The following ANKRD12 variants were observed in gnomAD, a reference collection of about 807,000 sequenced individuals.
ANKRD12 encodes the protein ankyrin repeat domain 12.
ANKRD12 carries 85 observed loss-of-function variants against 183.4 expected under a neutral mutation model. The observed-to-expected ratio is 0.46, with a 90% CI of 0.39 to 0.56. The LOEUF (loss-of-function observed/expected upper bound fraction) is 0.56, where lower values mean the gene tolerates loss of function less well. Ranked by LOEUF, ANKRD12 falls within the 20% of genes least tolerant of loss-of-function variation. The pLI is 0.00. For synonymous variants in ANKRD12, 914 were observed against 800.2 expected (o/e 1.14, Z -2.40); for missense variants, 2,405 against 2,357.1 (o/e 1.02, Z -0.42).
rs1337373504 is a variant in ANKRD12, at chr18:9,157,579, G to GTATATATATA, written c.-52+20615_-52+20616insATATATATAT. 1.5e-3 allele frequency among the ~76,000 whole-genome samples: 166 copies of GTATATATATA among 114,152 alleles called. 1 individual carries two copies. The highest frequency in any genetic ancestry group is 5.1e-3 in the African/African-American group (123 of 23,930). The allele number at this position is 114,152 out of a possible 152,430, so 74.9% of individuals were successfully genotyped here. On this transcript the variant is annotated intron_variant, in intron 1 of 12. Coordinates refer to ENST00000262126, the MANE Select transcript of ANKRD12 (RefSeq NM_015208.5). ...TGTGTGTGTGTGTGTGTGTGTGTGT[G>GTATATATATA]TGTGTGTATATATATATATATGTAT...
chr18:9,253,333 T>C (rs886985851), intron 8 of ANKRD12, among the ~76,000 whole-genome samples: 4 of 152,182 alleles, frequency 2.6e-5, no homozygotes, highest in Non-Finnish European at 5.9e-5. Context: ...TTAACTCTCA[T>C]CTCCCCATTT....
intron 1 of ANKRD12, among the ~76,000 whole-genome samples, chr18:9,141,105 G>A (rs2078297911): frequency 6.6e-6 from 1 of 151,712 alleles, no homozygotes; most frequent in African/African-American, 2.4e-5. Flanking sequence ...AAATGTTTGG[G>A]GGCCAGCTAT....
chr18:9,189,270 G>C (rs1243708742), intron 2 of ANKRD12, among the ~76,000 whole-genome samples: 2 of 152,224 alleles, frequency 1.3e-5, no homozygotes, highest in Non-Finnish European at 2.9e-5. Flanking sequence ...AAGGCTGAGA[G>C]AGGTTTGGAA....
intron 8 of ANKRD12, among the ~76,000 whole-genome samples, chr18:9,251,861 A>G (rs1352716981): frequency 1.3e-5 from 2 of 152,206 alleles, no homozygotes; most frequent in Admixed American, 6.5e-5. Flanking sequence ...TGCTTAACCT[A>G]TTTCTCACTT....
chr18:9,213,271 C>G (rs1417938027), intron 6 of ANKRD12, among the ~76,000 whole-genome samples: 3 of 151,872 alleles, frequency 2.0e-5, no homozygotes, highest in Non-Finnish European at 4.4e-5. Flanking sequence ...GTGTGATATA[C>G]AGTATCTACC....
intron 7 of ANKRD12, among the ~76,000 whole-genome samples, chr18:9,220,435 C>G (rs894455263): frequency 9.9e-5 from 15 of 152,048 alleles, no homozygotes; most frequent in Non-Finnish European, 1.8e-4. Flanking sequence ...AATATCAAAA[C>G]AAGAAGAGAT....
At position 9,182,465 on chromosome 18, in the gene ANKRD12, G is replaced by T. The variant is rs1208086408; in HGVS notation, c.33G>T (p.Gln11His). 1 of 1,611,780 alleles carries T rather than the reference G, an allele frequency of 6.2e-7. No homozygotes were observed. Among genetic ancestry groups the T allele is most frequent in the Non-Finnish European group, 8.5e-7 (1 of 1,178,822 alleles). The change falls in exon 2 of 13, where the codon CAG becomes CAT. Residue 11 changes from glutamine to histidine, a missense_variant. Coordinates refer to ENST00000262126, the MANE Select transcript of ANKRD12 (RefSeq NM_015208.5). ...AATCTGGGTTCACAAAACCAATTCA[G>T]AGTGAAAATTCTGACAGTGACAGCA... is the stretch of plus-strand genomic sequence containing the variant. Reference protein sequence around the residue: MPKSGFTKPIQSENSDSDSNM... With the variant: MPKSGFTKPIHSENSDSDSNM...
intron 6 of ANKRD12, among the ~76,000 whole-genome samples, chr18:9,213,525 G>A (rs1363443106): frequency 2.0e-5 from 3 of 151,830 alleles, no homozygotes; most frequent in Admixed American, 1.3e-4. Flanking sequence ...GGAAATTATG[G>A]TATATTTGAT....
intron 8 of ANKRD12, among the ~76,000 whole-genome samples, chr18:9,231,850 T>G (rs1250437819): frequency 6.6e-6 from 1 of 151,548 alleles, no homozygotes; most frequent in Non-Finnish European, 1.5e-5. Flanking sequence ...AAAAGATATT[T>G]TATCCGATAT....
chr18:9,165,568 C>T lies in ANKRD12; in HGVS notation c.-51-16814C>T, dbSNP rs189704400. Among the ~76,000 whole-genome samples, 230 of 152,270 alleles carry T rather than the reference C, an allele frequency of 1.5e-3. 1 individual carries two copies. The highest frequency in any genetic ancestry group is 5.4e-3 in the African/African-American group (223 of 41,556). On this transcript the variant is annotated intron_variant, in intron 1 of 12. Coordinates refer to ENST00000262126, the MANE Select transcript of ANKRD12 (RefSeq NM_015208.5). Reference sequence around the variant, plus strand: ...TCCTAATTTATATCTATGAATTTGGCTATTCTAAGTACTTCACACAAGTGG... The same window carrying T: ...TCCTAATTTATATCTATGAATTTGGTTATTCTAAGTACTTCACACAAGTGG...
At chr18:9,264,857 A>G (rs2039187881) in intron 10 of ANKRD12, among the ~76,000 whole-genome samples, 3 of 152,204 alleles carry the variant, frequency 2.0e-5, no homozygotes, top group African/African-American at 4.8e-5. Context: ...AGAATTCTTG[A>G]GGGGTGGAGC....
chr18:9,154,837 A>C (rs2030160975), intron 1 of ANKRD12, among the ~76,000 whole-genome samples: 1 of 152,214 alleles, frequency 6.6e-6, no homozygotes, highest in Non-Finnish European at 1.5e-5. Flanking sequence ...AGAGAAGATT[A>C]ACAGAAAAGA....
chr18:9,248,053 G>T (rs1300882955), intron 8 of ANKRD12, among the ~76,000 whole-genome samples: 3 of 152,226 alleles, frequency 2.0e-5, no homozygotes, highest in Non-Finnish European at 2.9e-5. Context: ...CTCCCAAAGT[G>T]CTGGGATTAC....
intron 1 of ANKRD12, among the ~76,000 whole-genome samples, chr18:9,170,180 A>G (rs1370110558): frequency 2.0e-5 from 3 of 152,006 alleles, no homozygotes; most frequent in African/African-American, 7.3e-5. Flanking sequence ...TGATTCTGAC[A>G]ATTATGTGTC....
chr18:9,276,299 A>G (rs1310890237), intron 11 of ANKRD12, among the ~76,000 whole-genome samples: 2 of 152,228 alleles, frequency 1.3e-5, no homozygotes, highest in Non-Finnish European at 2.9e-5. Context: ...GTTCTAAAGG[A>G]AATAAGCTAG....
At chr18:9,241,838 AAATT>A in intron 8 of ANKRD12, among the ~76,000 whole-genome samples, 1 of 152,214 alleles carries the variant, frequency 6.6e-6, no homozygotes, top group South Asian at 2.1e-4. Context: ...ATACAGATGT[AAATT>A]AATTATATCA....
intron 2 of ANKRD12, among the ~76,000 whole-genome samples, chr18:9,183,738 T>TC (rs1181775239): frequency 6.6e-6 from 1 of 152,146 alleles, no homozygotes; most frequent in Non-Finnish European, 1.5e-5. Context: ...CCCCCTTTTT[T>TC]CCCCGATTAC....
At chr18:9,214,658 G>A (rs981767756) in intron 6 of ANKRD12, among the ~76,000 whole-genome samples, 4 of 151,000 alleles carry the variant, frequency 2.6e-5, no homozygotes, top group African/African-American at 9.7e-5. Flanking sequence ...GAAGAGTTAC[G>A]ACATTAAAAG....
chr18:9,239,672 A>G (rs1044561684), intron 8 of ANKRD12: 12 of 361,636 alleles, frequency 3.3e-5, no homozygotes, highest in Non-Finnish European at 5.7e-5. Context: ...AACTTCATCC[A>G]ATCTAAATTC....
Sources: gnomAD v4.1 joint callset for allele counts (sites outside exome capture counted in the v4.1 genomes callset) on GRCh38, gnomAD v4.1.1 for gene constraint, MANE v1.5 for transcripts, NCBI Gene and HGNC (gene_info 2026-07-23, HGNC 2026-07-21) for gene names.